The following SYNPR variants were observed in gnomAD, a reference collection of about 807,000 sequenced individuals.
SYNPR encodes the protein synaptoporin.
SYNPR carries 23 observed loss-of-function variants against 32.9 expected under a neutral mutation model. The ratio of observed to expected loss-of-function variants is 0.70; its 90% CI spans 0.50 to 0.99. The LOEUF is 0.99. Among genes scored for constraint, SYNPR ranks in the 50% least tolerant of loss-of-function variants. The probability of loss-of-function intolerance (pLI) is 0.00; values close to 1 mark genes in which losing one functional copy is unlikely to be tolerated. For synonymous variants in SYNPR, 146 were observed against 135.9 expected, an observed-to-expected ratio of 1.07 and a Z score of -0.52; for missense variants, 318 against 349.3, an observed-to-expected ratio of 0.91 and a Z score of 0.71.
At chr3:63,585,452 C>CA (rs954315556) in intron 4 of SYNPR, among the ~76,000 whole-genome samples, 16 of 108,402 alleles carry the variant, frequency 1.5e-4, no homozygotes, top group Admixed American at 6.6e-4. Context: ...TATCCATGCC[C>CA]CCCCCCTCCG....
intron 2 of SYNPR, among the ~76,000 whole-genome samples, chr3:63,377,272 C>T (rs1417482492): frequency 6.6e-6 from 1 of 152,112 alleles, no homozygotes; most frequent in Non-Finnish European, 1.5e-5. Context: ...CAGGATGTGG[C>T]ATTTTATTAC....
At chr3:63,583,342 G>A (rs1703125079) in intron 4 of SYNPR, among the ~76,000 whole-genome samples, 1 of 152,180 alleles carries the variant, frequency 6.6e-6, no homozygotes, top group South Asian at 2.1e-4. Context: ...GGCCACAGGG[G>A]TTACAATGGC....
At chr3:63,578,181 G>A (rs1703025203) in intron 4 of SYNPR, among the ~76,000 whole-genome samples, 1 of 152,162 alleles carries the variant, frequency 6.6e-6, no homozygotes, top group Admixed American at 6.5e-5. Flanking sequence ...TTGGGATAGT[G>A]TAAGGTGGTG....
chr3:63,252,056 C>G (rs1370670079), intron 1 of SYNPR, among the ~76,000 whole-genome samples: 1 of 151,410 alleles, frequency 6.6e-6, no homozygotes. Flanking sequence ...TATTATGTAT[C>G]TATTAAAAAT....
the SYNPR span, among the ~76,000 whole-genome samples, chr3:63,221,882 TA>T: frequency 6.6e-6 from 1 of 152,034 alleles, no homozygotes; most frequent in Non-Finnish European, 1.5e-5. Flanking sequence ...TAAATATCTC[TA>T]AAGGGTTTAG....
At chr3:63,395,612 C>T (rs1181778329) in intron 2 of SYNPR, among the ~76,000 whole-genome samples, 1 of 152,146 alleles carries the variant, frequency 6.6e-6, no homozygotes, top group African/African-American at 2.4e-5. Context: ...GGTCACACAG[C>T]TCACCTTACC....
At chr3:63,290,564 CT>C (rs58391406) in intron 2 of SYNPR, among the ~76,000 whole-genome samples, 70,397 of 150,802 alleles carry the variant, frequency 0.47, 16,525 homozygotes, top group Middle Eastern at 0.52. Context: ...ACTTGTGTAT[CT>C]TTTTTTTTTA....
At chr3:63,456,117 A>T (rs1700476737) in intron 2 of SYNPR, among the ~76,000 whole-genome samples, 1 of 152,008 alleles carries the variant, frequency 6.6e-6, no homozygotes, top group Non-Finnish European at 1.5e-5. Flanking sequence ...ATATCATGAG[A>T]TTTATTCACT....
intron 2 of SYNPR, among the ~76,000 whole-genome samples, chr3:63,425,199 G>A (rs566381886): frequency 5.3e-5 from 8 of 152,174 alleles, no homozygotes; most frequent in African/African-American, 1.9e-4. Flanking sequence ...TATCTATAGA[G>A]TAATTCACAT....
intron 4 of SYNPR, among the ~76,000 whole-genome samples, chr3:63,584,231 C>T (rs917654040): frequency 1.3e-5 from 2 of 152,020 alleles, no homozygotes; most frequent in African/African-American, 4.8e-5. Context: ...ATGGAAGAGC[C>T]TTGTGTGGTG....
intron 3 of SYNPR, among the ~76,000 whole-genome samples, chr3:63,521,732 T>C (rs572343277): frequency 6.6e-6 from 1 of 152,308 alleles, no homozygotes; most frequent in African/African-American, 2.4e-5. Flanking sequence ...TAACTCATAA[T>C]GGTATTAGTC....
At chr3:63,313,678 C>T (rs553023720) in intron 2 of SYNPR, among the ~76,000 whole-genome samples, 6 of 112,348 alleles carry the variant, frequency 5.3e-5, no homozygotes, top group Admixed American at 1.9e-4. Context: ...GAAATTAATA[C>T]ACATATATAT....
At chr3:63,400,304 G>A (rs2107100052) in intron 2 of SYNPR, among the ~76,000 whole-genome samples, 1 of 152,306 alleles carries the variant, frequency 6.6e-6, no homozygotes, top group African/African-American at 2.4e-5. Context: ...CAGAGATTCT[G>A]CAGGTCAGAA....
chr3:63,546,113 C>T lies in SYNPR; in HGVS notation c.210-10430C>T, dbSNP rs13062179. ...GATTTTCCCTGAAATGTACAGATAACGACCTCAATATCTATTTTAATTTGA... is the reference window on the plus strand; with the variant it reads ...GATTTTCCCTGAAATGTACAGATAATGACCTCAATATCTATTTTAATTTGA... On this transcript the variant is annotated intron_variant, in intron 3 of 5. Transcript: ENST00000478300. Among the ~76,000 whole-genome samples the T allele has an allele frequency of 2.5e-3, 382 of 152,186 alleles. 1 individual carries two copies. Among genetic ancestry groups the T allele is most frequent in the Non-Finnish European group, 4.5e-3 (305 of 67,990 alleles).
intron 2 of SYNPR, among the ~76,000 whole-genome samples, chr3:63,475,753 T>G (rs1700888993): frequency 6.6e-6 from 1 of 152,130 alleles, no homozygotes; most frequent in Admixed American, 6.5e-5. Flanking sequence ...TTCTCACTCC[T>G]TAGCCTTCCA....
At chr3:63,418,954 G>T (rs1383130669) in intron 2 of SYNPR, among the ~76,000 whole-genome samples, 2 of 152,176 alleles carry the variant, frequency 1.3e-5, no homozygotes, top group Admixed American at 6.5e-5. Flanking sequence ...TGGTTTAATA[G>T]AGTCTTAATA....
At chr3:63,371,247 G>A (rs1322203679) in intron 2 of SYNPR, among the ~76,000 whole-genome samples, 1 of 151,878 alleles carries the variant, frequency 6.6e-6, no homozygotes, top group African/African-American at 2.4e-5. Context: ...CCCCACAGGG[G>A]CCTCCAGACT....
At chr3:63,284,429 T>C (rs546613373) in intron 2 of SYNPR, among the ~76,000 whole-genome samples, 12 of 152,306 alleles carry the variant, frequency 7.9e-5, no homozygotes, top group Non-Finnish European at 1.5e-4. Flanking sequence ...TGACTCAATT[T>C]GCCTAATTCT....
intron 4 of SYNPR, among the ~76,000 whole-genome samples, chr3:63,595,344 A>G (rs1191520631): frequency 2.0e-5 from 3 of 152,056 alleles, no homozygotes; most frequent in Admixed American, 6.6e-5. Context: ...TTGCTTATTT[A>G]AAACACCAGC....
Sources: allele counts gnomAD v4.1 joint callset (sites outside exome capture counted in the v4.1 genomes callset), GRCh38; gene constraint gnomAD v4.1.1; transcripts MANE v1.5; gene names NCBI Gene and HGNC (gene_info 2026-07-23, HGNC 2026-07-21).